SPTB: variants seen among roughly 807,000 people sequenced by gnomAD.
The protein encoded by SPTB is spectrin beta chain, erythrocytic.
A neutral mutation model predicts 256.2 loss-of-function variants in SPTB; 45 were observed. The observed-to-expected ratio is 0.18, with a 90% CI of 0.14 to 0.23. The LOEUF (loss-of-function observed/expected upper bound fraction) is 0.23. Ranked by LOEUF, SPTB falls within the 10% of genes least tolerant of loss-of-function variation. The probability of loss-of-function intolerance (pLI) is 1.00; values close to 1 mark genes in which losing one functional copy is unlikely to be tolerated. For missense variants in SPTB, 2,715 were observed against 3,040.4 expected, an observed-to-expected ratio of 0.89 and a Z score of 2.52; for synonymous variants, 1,231 against 1,243.1, an observed-to-expected ratio of 0.99 and a Z score of 0.21.
chr14:64,851,499 CAGT>C (rs930750745), intron 1 of SPTB, among the ~76,000 whole-genome samples: 4 of 152,038 alleles, frequency 2.6e-5, no homozygotes, highest in Admixed American at 2.6e-4. Context: ...GCAGCAGCAG[CAGT>C]AGTAGTAGTA....
Position 64,803,662 on chromosome 14 carries a change from T to C in SPTB, c.419A>G (p.Asp140Gly). The C allele has an allele frequency of 6.2e-7, 1 of 1,614,172 alleles. No homozygotes were observed. The highest frequency in any genetic ancestry group is 8.5e-7 in the Non-Finnish European group (1 of 1,180,034). Residue 140 changes from aspartate (D) to glycine (G), a missense_variant, in exon 4 of 36, where the codon GAT becomes GGT. By Grantham distance (94) the Asp-to-Gly change is moderately conservative. This residue lies in a region of SPTB where 416 missense variants were observed against 571.1 expected (regional missense o/e 0.73). Coordinates refer to ENST00000644917, the MANE Select transcript of SPTB (RefSeq NM_001355436.2). ...LENMGSHDIV[D>G]GNHRLVLGLI... ...GCCCAGGACCAGGCGGTGGTTGCCA[T>C]CTACAATGTCGTGGGAGCCCATGTT...
rs138672070 is a variant in SPTB, at chr14:64,823,218, G to A, written c.-51-73C>T. 328 of 1,175,986 alleles carry A rather than the reference G, an allele frequency of 2.8e-4. 2 individuals are homozygous for A. In the African/African-American group the frequency reaches 4.1e-3, roughly 15 times the overall value. 72.8% of individuals were successfully genotyped at this position (1,175,986 alleles called of 1,614,324 possible). On this transcript the variant is annotated intron_variant, in intron 1 of 35. Coordinates refer to ENST00000644917, the MANE Select transcript of SPTB (RefSeq NM_001355436.2). The surrounding 1 kb of genome is among the most constrained non-coding windows in gnomAD (Gnocchi z 6.5). ...ACTTTTTCTCCGGGGAAACTTATTC[G>A]GAGCATCCAACGTGAGTAGATCCTG...
rs1487059474 is a variant in SPTB at position 64,827,232 on chromosome 14, T to C, written c.-51-4087A>G. ...TCCATCCTCTAGTCCCCCAACAAAG[T>C]AAACAGCATCCTCTCCTCTTCCCTG... is the stretch of plus-strand genomic sequence containing the variant. On this transcript the variant is annotated intron_variant, in intron 1 of 35. Coordinates refer to ENST00000644917, the MANE Select transcript of SPTB (RefSeq NM_001355436.2). The surrounding 1 kb of genome is among the most constrained non-coding windows in gnomAD (Gnocchi z 4.6). Among the ~76,000 whole-genome samples, 2 of 152,110 alleles carry C rather than the reference T, an allele frequency of 1.3e-5. No homozygotes were observed. The highest frequency in any genetic ancestry group is 4.8e-5 in the African/African-American group (2 of 41,416).
rs77502600 is a variant in SPTB at position 64,865,812 on chromosome 14, T to C, written c.-52+13980A>G. Among the ~76,000 whole-genome samples, 863 of 152,348 alleles carry C rather than the reference T, an allele frequency of 5.7e-3. 6 individuals carry two copies. Among genetic ancestry groups the C allele is most frequent in the African/African-American group, 0.02 (836 of 41,574 alleles). ...TGGCTTCCTCTCCCAGAGCAGCTGC[T>C]TTGATTCTACCATCTTACTTCACTC... On this transcript the variant is annotated intron_variant, in intron 1 of 35. Transcript: ENST00000644917.
Position 64,826,165 on chromosome 14 carries a change from G to A in SPTB, c.-51-3020C>T, listed in dbSNP as rs926515064. On this transcript the variant is annotated intron_variant, in intron 1 of 35. Coordinates refer to ENST00000644917, the MANE Select transcript of SPTB (RefSeq NM_001355436.2). The surrounding 1 kb of genome is among the most constrained non-coding windows in gnomAD (Gnocchi z 4.4). ...TCATGGGATGGGCCAGTGCATGCAGGAAGGGAAGCTCTCGGAGAATCAGGT... is the reference window on the plus strand; with the variant it reads ...TCATGGGATGGGCCAGTGCATGCAGAAAGGGAAGCTCTCGGAGAATCAGGT... 1.3e-5 allele frequency among the ~76,000 whole-genome samples: 2 copies of A among 152,246 alleles called. No individual in the cohort carries two copies. Among genetic ancestry groups the A allele is most frequent in the African/African-American group, 2.4e-5 (1 of 41,466 alleles).
Position 64,746,892 on chromosome 14 carries a change from G to GA in SPTB, c.*2413dup, listed in dbSNP as rs374341385. 5.8e-3 allele frequency: 828 copies of GA among 141,930 alleles called. No individual in the cohort carries two copies. Among genetic ancestry groups the GA allele is most frequent in the South Asian group, 0.022 (99 of 4,434 alleles). 8.8% of individuals were successfully genotyped at this position (141,930 alleles called of 1,614,324 possible). ...AAGACTGTAGAGTAGAATAAGGAGA[G>GA]AAAAAAAAAAAAAGACCTTGCTAGG... On this transcript the variant is annotated 3_prime_UTR_variant, in exon 36 of 36. Coordinates refer to ENST00000644917, the MANE Select transcript of SPTB (RefSeq NM_001355436.2). The surrounding 1 kb of genome is among the most constrained non-coding windows in gnomAD (Gnocchi z 4.9).
At chr14:64,766,830 A>G in intron 31 of SPTB, 29 bp from the exon 32 acceptor site, 1 of 1,607,318 alleles carries the variant, frequency 6.2e-7, no homozygotes, top group Non-Finnish European at 8.5e-7. Flanking sequence ...CTCTTTAGAA[A>G]CAAGCACCCC....
rs59334096 is a variant in SPTB, at chr14:64,767,420, C to G, written c.6220-68G>C. 22,186 of 1,602,238 alleles carry G rather than the reference C, an allele frequency of 0.014. 2,454 individuals are homozygous for G. In the African/African-American group the frequency reaches 0.25, roughly 18 times the overall value. On this transcript the variant is annotated intron_variant, in intron 30 of 35. Coordinates refer to ENST00000644917, the MANE Select transcript of SPTB (RefSeq NM_001355436.2). ...CGAGTTGTGTTCTCAGACGATCTCC[C>G]TCTGGATGCGGCCCTGCACCCCCAC...
rs2083369170 is a variant in SPTB at position 64,825,708 on chromosome 14, G to T, written c.-51-2563C>A. Among the ~76,000 whole-genome samples, 1 of 152,262 alleles carries T rather than the reference G, an allele frequency of 6.6e-6. No homozygotes were observed. The highest frequency in any genetic ancestry group is 6.5e-5 in the Admixed American group (1 of 15,292). On this transcript the variant is annotated intron_variant, in intron 1 of 35. Coordinates refer to ENST00000644917, the MANE Select transcript of SPTB (RefSeq NM_001355436.2). This position sits in a 1 kb window ranked among gnomAD's most constrained non-coding sequence, Gnocchi z 4.8. The stretch of plus-strand genomic sequence containing the variant: ...AGTGGCTGAGAGAGGCCTGGGCCGT[G>T]GGGCTGGAGAGTGAGATTACCTTTG...
At chr14:64,829,371 C>T (rs1274818223) in intron 1 of SPTB, among the ~76,000 whole-genome samples, 3 of 152,100 alleles carry the variant, frequency 2.0e-5, no homozygotes, top group Admixed American at 1.3e-4. Flanking sequence ...AAGAGAGACT[C>T]AGGAGATGTA....
chr14:64,797,454 GAGACCCTGTCT>G (rs1204048604), intron 10 of SPTB, among the ~76,000 whole-genome samples: 1 of 104,726 alleles, frequency 9.5e-6, no homozygotes, highest in Non-Finnish European at 1.7e-5. Context: ...GTGACAGAGT[GAGACCCTGTCT>G]CCAAAAAAAA....
chr14:64,784,230 CCAAT>C lies in SPTB; in HGVS notation c.4002+13_4002+16del, dbSNP rs749100635. The C allele has an allele frequency of 6.2e-7, 1 of 1,614,040 alleles. No homozygotes were observed. Among genetic ancestry groups the C allele is most frequent in the East Asian group, 2.2e-5 (1 of 44,896 alleles). On this transcript the variant is annotated intron_variant, in intron 19 of 35. Transcript: ENST00000644917. ...TCTGAGCAGAGCACCCACCCGCCGCCCAATCACTTTACTTACCGCATCGATGTTC... is the reference window on the plus strand; with the variant it reads ...TCTGAGCAGAGCACCCACCCGCCGCCCACTTTACTTACCGCATCGATGTTC...
At chr14:64,763,538 T>C (rs1483783067) in intron 32 of SPTB, among the ~76,000 whole-genome samples, 1 of 152,354 alleles carries the variant, frequency 6.6e-6, no homozygotes, top group Middle Eastern at 3.4e-3. Flanking sequence ...ATTTGCTAAA[T>C]TGCTGACATA....
At chr14:64,791,896 G>A in intron 14 of SPTB, 40 bp from the exon 15 acceptor site, 1 of 1,612,908 alleles carries the variant, frequency 6.2e-7, no homozygotes, top group Non-Finnish European at 8.5e-7. Flanking sequence ...GGGTGAGGCG[G>A]CAGCAGACAT....
chr14:64,753,022 C>G (rs961465451), intron 33 of SPTB, among the ~76,000 whole-genome samples: 5 of 152,156 alleles, frequency 3.3e-5, no homozygotes, highest in Non-Finnish European at 7.3e-5. Context: ...GAAGGGACCT[C>G]TGGGGGGCAA....
Position 64,795,747 on chromosome 14 carries a change from A to G in SPTB, c.1342-108T>C. The G allele has an allele frequency of 1.7e-6, 2 of 1,176,792 alleles. No homozygotes were observed. The highest frequency in any genetic ancestry group is 2.5e-6 in the Non-Finnish European group (2 of 805,990). 72.9% of individuals were successfully genotyped at this position (1,176,792 alleles called of 1,614,324 possible). ...CAGAACCAGTGCTAGATGGGAAAGC[A>G]CATTCCCAAGAAGCAGCTAGTTCTG... On this transcript the variant is annotated intron_variant, in intron 11 of 35. Coordinates refer to ENST00000644917, the MANE Select transcript of SPTB (RefSeq NM_001355436.2). This position sits in a 1 kb window ranked among gnomAD's most constrained non-coding sequence, Gnocchi z 6.5.
At chr14:64,869,619 A>T (rs6573582) in intron 1 of SPTB, among the ~76,000 whole-genome samples, 5,591 of 24,662 alleles carry the variant, frequency 0.23, 343 homozygotes, top group South Asian at 0.46. Flanking sequence ...CAGATTTTTT[A>T]AATTTTTTTT....
At chr14:64,797,467 CAAAAAAAAAAAAAAAAAAAAAA>C (rs57385615) in intron 10 of SPTB, among the ~76,000 whole-genome samples, 5 of 30,978 alleles carry the variant, frequency 1.6e-4, no homozygotes, top group East Asian at 1.0e-3. Context: ...ACCCTGTCTC[CAAAAAAAAAAAAAAAAAAAAAA>C]AAAAAAAAAA....
In SPTB at chr14:64,772,377, G is replaced by A. The variant is rs1293889992; in HGVS notation, c.5553+203C>T. On this transcript the variant is annotated intron_variant, in intron 26 of 35. Coordinates refer to ENST00000644917, the MANE Select transcript of SPTB (RefSeq NM_001355436.2). The surrounding 1 kb of genome is among the most constrained non-coding windows in gnomAD (Gnocchi z 5.4). ...ATAGTATTGTATGCATTGGCCTTTT[G>A]TGAGGATTCAGTTTAAAGAATGACT... is the stretch of plus-strand genomic sequence containing the variant. Among the ~76,000 whole-genome samples, 1 of 152,240 alleles carries A rather than the reference G, an allele frequency of 6.6e-6. No individual in the cohort carries two copies. Among genetic ancestry groups the A allele is most frequent in the Non-Finnish European group, 1.5e-5 (1 of 68,046 alleles).
Sources: allele counts gnomAD v4.1 joint callset (sites outside exome capture counted in the v4.1 genomes callset), GRCh38; gene constraint gnomAD v4.1.1; regional missense constraint gnomAD v4.1.1; non-coding constraint Gnocchi (gnomAD v3.1); transcripts MANE v1.5; gene names NCBI Gene and HGNC (gene_info 2026-07-23, HGNC 2026-07-21).